Variants in RSPH1 observed in about 807,000 individuals in gnomAD.
RSPH1 encodes radial spoke head 1 homolog.
In RSPH1, 32 loss-of-function variants were observed where a neutral mutation model predicts 44.2. The ratio of observed to expected loss-of-function variants is 0.72; its 90% CI spans 0.55 to 0.97. RSPH1 has a LOEUF of 0.97. Ranked by LOEUF, RSPH1 falls within the 50% of genes least tolerant of loss-of-function variation. The probability of loss-of-function intolerance (pLI) is 0.00; values close to 1 mark genes in which losing one functional copy is unlikely to be tolerated. For synonymous variants in RSPH1, 134 were observed against 147.3 expected (o/e 0.91, Z 0.65); for missense variants, 391 against 398.7 (o/e 0.98, Z 0.16).
intron 8 of RSPH1, 36 bp downstream of exon 8, chr21:42,475,862 G>A (rs779722153): frequency 1.7e-5 from 27 of 1,604,448 alleles, no homozygotes; most frequent in East Asian, 1.1e-4. Flanking sequence ...CCCTAAGTGC[G>A]GGCCCTCGCC....
chr21:42,482,018 T>C (rs1403095860), intron 6 of RSPH1, among the ~76,000 whole-genome samples: 1 of 152,220 alleles, frequency 6.6e-6, no homozygotes, highest in Non-Finnish European at 1.5e-5. Flanking sequence ...AGATTCAGTT[T>C]TCACTTGCAG....
chr21:42,478,216 T>C (rs970885797), intron 6 of RSPH1, among the ~76,000 whole-genome samples: 2 of 152,382 alleles, frequency 1.3e-5, no homozygotes, highest in South Asian at 2.1e-4. Flanking sequence ...ATCAGCACTA[T>C]GACTATGGAA....
intron 5 of RSPH1, among the ~76,000 whole-genome samples, chr21:42,483,208 A>C (rs1320823561): frequency 1.3e-5 from 2 of 151,278 alleles, no homozygotes; most frequent in African/African-American, 4.9e-5. Context: ...TATTTTACTC[A>C]GTTACTATTG....
chr21:42,482,741 A>G lies in RSPH1; in HGVS notation c.502-33T>C, dbSNP rs1459504405. On this transcript the variant is annotated intron_variant, in intron 5 of 8. Transcript: ENST00000291536. The stretch of plus-strand genomic sequence containing the variant: ...CAAAGAGAAACCATTCTTAAGTGTC[A>G]ACACCCAGCAGAAAATACAAAATAC... The G allele has an allele frequency of 6.6e-6, 10 of 1,507,576 alleles. No individual in the cohort carries two copies. The African/African-American group carries it at 1.4e-4, about 21-fold the overall frequency. The allele number at this position is 1,507,576 out of a possible 1,614,324, so 93.4% of individuals were successfully genotyped here. A position where few individuals can be genotyped will look rare whatever the true frequency, so the allele number is the denominator to read the frequency against.
At position 42,480,532 on chromosome 21, in the gene RSPH1, C is replaced by T. The variant is rs368280520; in HGVS notation, c.573+2105G>A. Among the ~76,000 whole-genome samples the T allele has an allele frequency of 3.8e-4, 56 of 145,976 alleles. 1 individual carries two copies. In the South Asian group the frequency reaches 0.012, roughly 31 times the overall value. On this transcript the variant is annotated intron_variant, in intron 6 of 8. Transcript: ENST00000291536. ...GCACATGCCTGTAATCCCAGCTACT[C>T]GGGAGGCTGAGACAGGAGAATCGCT... is the stretch of plus-strand genomic sequence containing the variant.
chr21:42,492,990 G>A lies in RSPH1; in HGVS notation c.144C>T (p.Tyr48=), dbSNP rs534988351. The A allele has an allele frequency of 3.7e-5, 60 of 1,614,072 alleles. No individual in the cohort carries two copies. The South Asian group carries it at 4.8e-4, about 13-fold the overall frequency. The part of the protein sequence containing the change: ...LPNGDTYEGS[Y]EFGKRHGQGI... ...CCTGGCCATGTCTTTTACCGAATTC[G>A]TAGCTCCCTTCGTAGGTGTCCCCGT... The change falls in exon 2 of 9, where the codon TAC becomes TAT. Residue 48 remains tyrosine, a synonymous_variant. Coordinates refer to ENST00000291536, the MANE Select transcript of RSPH1 (RefSeq NM_080860.4).
intron 1 of RSPH1, among the ~76,000 whole-genome samples, chr21:42,495,420 G>C (rs1237708897): frequency 6.6e-6 from 1 of 152,220 alleles, no homozygotes; most frequent in African/African-American, 2.4e-5. Flanking sequence ...CATAGTGGCT[G>C]AGGTTCCCTA....
At chr21:42,493,310 C>A (rs1358129454) in intron 1 of RSPH1, among the ~76,000 whole-genome samples, 2 of 152,234 alleles carry the variant, frequency 1.3e-5, no homozygotes. Flanking sequence ...GCGGAAGCCT[C>A]GTTCCCTCCC....
At chr21:42,495,839 G>C (rs542554397) in intron 1 of RSPH1, among the ~76,000 whole-genome samples, 2 of 152,292 alleles carry the variant, frequency 1.3e-5, no homozygotes, top group Non-Finnish European at 2.9e-5. Flanking sequence ...ACAGGGAGGA[G>C]GAAACTTCCA....
At chr21:42,477,794 G>T (rs1189327036) in intron 6 of RSPH1, among the ~76,000 whole-genome samples, 1 of 152,208 alleles carries the variant, frequency 6.6e-6, no homozygotes, top group Admixed American at 6.5e-5. Context: ...GTGACCAGGA[G>T]TAAGTGGTCT....
chr21:42,473,280 C>T (rs997668394), intron 8 of RSPH1, among the ~76,000 whole-genome samples: 1 of 152,158 alleles, frequency 6.6e-6, no homozygotes, highest in Non-Finnish European at 1.5e-5. Flanking sequence ...CACTTGAGGT[C>T]AGGAGTTCGA....
chr21:42,493,848 T>C (rs1254756510), intron 1 of RSPH1, among the ~76,000 whole-genome samples: 1 of 152,218 alleles, frequency 6.6e-6, no homozygotes, highest in Non-Finnish European at 1.5e-5. Flanking sequence ...CCTCCCAGGC[T>C]CCAGTGATCC....
chr21:42,475,554 C>A (rs1394103297), intron 8 of RSPH1, among the ~76,000 whole-genome samples: 4 of 140,114 alleles, frequency 2.9e-5, no homozygotes, highest in Non-Finnish European at 6.1e-5. Flanking sequence ...GGTGACATAG[C>A]AAGACTCCAT....
At chr21:42,481,547 T>C (rs149425916) in intron 6 of RSPH1, among the ~76,000 whole-genome samples, 1 of 152,282 alleles carries the variant, frequency 6.6e-6, no homozygotes, top group East Asian at 1.9e-4. Context: ...TGTACGATAA[T>C]ATATTCTTAA....
At position 42,478,638 on chromosome 21, in the gene RSPH1, A is replaced by G. The variant is rs369443657; in HGVS notation, c.574-1194T>C. On this transcript the variant is annotated intron_variant, in intron 6 of 8. Transcript: ENST00000291536. Reference sequence around the variant, plus strand: ...CTGCAGCTACTGTAGAAAACATTTGACAGTTCTTCAAAAAGCGAAACAGCA... The same window carrying G: ...CTGCAGCTACTGTAGAAAACATTTGGCAGTTCTTCAAAAAGCGAAACAGCA... Among the ~76,000 whole-genome samples, 203 of 152,332 alleles carry G rather than the reference A, an allele frequency of 1.3e-3. 4 individuals carry two copies. The highest frequency in any genetic ancestry group is 4.4e-3 in the African/African-American group (183 of 41,556).
intron 6 of RSPH1, among the ~76,000 whole-genome samples, chr21:42,482,000 C>T (rs1372992769): frequency 6.6e-6 from 1 of 152,188 alleles, no homozygotes; most frequent in Non-Finnish European, 1.5e-5. Flanking sequence ...TGTGGCAACA[C>T]CAGTTACAGA....
At chr21:42,475,853 C>A in intron 8 of RSPH1, 45 bp downstream of exon 8, 1 of 1,600,448 alleles carries the variant, frequency 6.2e-7, no homozygotes, top group Non-Finnish European at 8.5e-7. Context: ...GTTCGTGGCC[C>A]CTAAGTGCGG....
chr21:42,482,611 A>C (rs930744124), intron 6 of RSPH1, 26 bp downstream of exon 6: 2 of 1,570,660 alleles, frequency 1.3e-6, no homozygotes, highest in Non-Finnish European at 1.7e-6. Flanking sequence ...TTAATGTAAC[A>C]AAACCCTACA....
chr21:42,485,302 C>T lies in RSPH1; in HGVS notation c.501+367G>A, dbSNP rs181293820. On this transcript the variant is annotated intron_variant, in intron 5 of 8. Transcript: ENST00000291536. ...CCTCCCCTTCCAGGGAAACAAAACC[C>T]AAACACCTCTATGCTCAATTGCAGG... The T allele has an allele frequency of 8.0e-5, 15 of 186,680 alleles. No individual in the cohort carries two copies. In the South Asian group the frequency reaches 1.2e-3, roughly 15 times the overall value. The allele number at this position is 186,680 out of a possible 1,614,324, so 11.6% of individuals were successfully genotyped here.
Sources: gnomAD v4.1 joint callset for allele counts (sites outside exome capture counted in the v4.1 genomes callset) on GRCh38, gnomAD v4.1.1 for gene constraint, MANE v1.5 for transcripts, NCBI Gene and HGNC (gene_info 2026-07-23, HGNC 2026-07-21) for gene names.